E2F8: variants seen among roughly 807,000 people sequenced by gnomAD.
E2F8 encodes transcription factor E2F8.
In E2F8, 35 loss-of-function variants were observed where a neutral mutation model predicts 80.8. That is an observed-to-expected ratio of 0.43 (90% CI 0.33 to 0.57). E2F8 has a LOEUF of 0.57. Ranked by LOEUF, E2F8 falls within the 20% of genes least tolerant of loss-of-function variation. The pLI is 0.04. For synonymous variants in E2F8, 386 were observed against 395.0 expected, an observed-to-expected ratio of 0.98 and a Z score of 0.27; for missense variants, 975 against 1,056.2, an observed-to-expected ratio of 0.92 and a Z score of 1.07.
chr11:19,237,706 G>A, intron 3 of E2F8, 148 bp downstream of exon 3: 1 of 1,141,942 alleles, frequency 8.8e-7, no homozygotes, highest in Non-Finnish European at 1.2e-6. Flanking sequence ...TATTTCTTGG[G>A]GTCCAAACCT....
rs1193962741 is a variant in E2F8, at chr11:19,234,874, T to C, written c.636A>G (p.Lys212=). 6.2e-7 allele frequency: 1 copy of C among 1,614,230 alleles called. No homozygotes were observed. The highest frequency in any genetic ancestry group is 1.7e-5 in the Admixed American group (1 of 60,026). The part of the protein sequence containing the change: ...YAEQIMMIKK[K]EYEQEFDFIK... ...TAAAGTCAAACTCTTGCTCATATTCTTTCTTTTTGATCATCATAATCTGCT... is the reference window on the plus strand; with the variant it reads ...TAAAGTCAAACTCTTGCTCATATTCCTTCTTTTTGATCATCATAATCTGCT... Residue 212 remains lysine (K), a synonymous_variant, in exon 5 of 13, where the codon AAA becomes AAG. Transcript: ENST00000250024.
At chr11:19,234,290 A>G (rs919319928) in intron 6 of E2F8, 70 bp downstream of exon 6, 34 of 1,543,764 alleles carry the variant, frequency 2.2e-5, no homozygotes, top group Non-Finnish European at 2.8e-5. Context: ...CTAATTTGGA[A>G]ATGAGTTTAC....
chr11:19,239,051 T>G (rs931255507), intron 2 of E2F8, among the ~76,000 whole-genome samples: 18 of 152,226 alleles, frequency 1.2e-4, no homozygotes, highest in Non-Finnish European at 1.6e-4. Context: ...ACTCCCATCT[T>G]TATCTATTTT....
intron 8 of E2F8, 125 bp downstream of exon 8, chr11:19,230,506 A>G (rs1375156755): frequency 8.0e-7 from 1 of 1,256,160 alleles, no homozygotes; most frequent in Non-Finnish European, 1.1e-6. Flanking sequence ...TTAGGCTTCA[A>G]GAGGGTTTGG....
chr11:19,233,537 G>A (rs1590127470), intron 6 of E2F8, among the ~76,000 whole-genome samples: 1 of 152,002 alleles, frequency 6.6e-6, no homozygotes, highest in African/African-American at 2.4e-5. Context: ...CCCCAGGCTG[G>A]AGTGCAGTGG....
rs1312298331 is a variant in E2F8, at chr11:19,224,533, T to C, written c.*125A>G. 3 of 839,196 alleles carry C rather than the reference T, an allele frequency of 3.6e-6. No individual in the cohort carries two copies. The African/African-American group carries it at 5.2e-5, about 14-fold the overall frequency. The allele number at this position is 839,196 out of a possible 1,614,324, so 52.0% of individuals were successfully genotyped here. A position where few individuals can be genotyped will look rare whatever the true frequency, so the allele number is the denominator to read the frequency against. On this transcript the variant is annotated 3_prime_UTR_variant, in exon 13 of 13. Transcript: ENST00000250024. Reference sequence around the variant, plus strand: ...TATGTATGAAAACAACTATCTGATTTCACATTGAACAAATCCCCAACGTAT... The same window carrying C: ...TATGTATGAAAACAACTATCTGATTCCACATTGAACAAATCCCCAACGTAT...
chr11:19,235,871 CATG>C (rs1851506515), intron 4 of E2F8, among the ~76,000 whole-genome samples: 1 of 152,104 alleles, frequency 6.6e-6, no homozygotes. Context: ...GTACAAAAAC[CATG>C]ATGTAGTTTT....
Position 19,229,537 on chromosome 11 carries a change from A to T in E2F8, c.1810T>A (p.Ser604Thr). 1 of 1,614,178 alleles carries T rather than the reference A, an allele frequency of 6.2e-7. No individual in the cohort carries two copies. The highest frequency in any genetic ancestry group is 8.5e-7 in the Non-Finnish European group (1 of 1,180,034). Reference sequence around the variant, plus strand: ...TCCTCGAGCATGCTTGCCCTCTTTGAGCCTCTTTCTCCAGCTGGCTCCCTG... The same window carrying T: ...TCCTCGAGCATGCTTGCCCTCTTTGTGCCTCTTTCTCCAGCTGGCTCCCTG... ...RTREPAGERGSKRASMLEDSG... is the reference protein window; with the variant it reads ...RTREPAGERGTKRASMLEDSG... Residue 604 changes from serine (S) to threonine (T), a missense_variant, in exon 10 of 13, where the codon TCA becomes ACA. Ser to Thr is a moderately conservative substitution (Grantham distance 58, BLOSUM62 1). Transcript: ENST00000250024. This position sits in a 1 kb window ranked among gnomAD's most constrained non-coding sequence, Gnocchi z 4.3.
chr11:19,237,981 G>A lies in E2F8; in HGVS notation c.167C>T (p.Pro56Leu), dbSNP rs924165322. 1.9e-6 allele frequency: 3 copies of A among 1,614,144 alleles called. No homozygotes were observed. The highest frequency in any genetic ancestry group is 1.3e-5 in the African/African-American group (1 of 75,028). Reference protein sequence around the residue: ...TKPKEGSQGEPWTPTANLKML... With the variant: ...TKPKEGSQGELWTPTANLKML... ...TTTCAGGTTGGCTGTCGGTGTCCAC[G>A]GCTCTCCCTGAGAGCCTTCCTTGGG... is the stretch of plus-strand genomic sequence containing the variant. Residue 56 changes from proline to leucine, a missense_variant, in exon 3 of 13, where the codon CCG (proline) becomes CTG (leucine). Coordinates refer to ENST00000250024, the MANE Select transcript of E2F8 (RefSeq NM_024680.4).
At chr11:19,233,730 C>T (rs1851438509) in intron 6 of E2F8, among the ~76,000 whole-genome samples, 1 of 151,994 alleles carries the variant, frequency 6.6e-6, no homozygotes, top group African/African-American at 2.4e-5. Context: ...CCTCATGATC[C>T]GCCCTCCTCG....
At chr11:19,230,017 G>A in intron 9 of E2F8, 29 bp from the exon 10 acceptor site, 2 of 1,610,356 alleles carry the variant, frequency 1.2e-6, no homozygotes, top group South Asian at 2.2e-5. Context: ...TACACGACAT[G>A]ATGGATATAC....
chr11:19,241,033 T>C (rs1851649954), upstream of E2F8: 1 of 152,288 alleles, frequency 6.6e-6, no homozygotes, highest in Non-Finnish European at 1.5e-5. This position sits in a 1 kb window ranked among gnomAD's most constrained non-coding sequence, Gnocchi z 4.5. Flanking sequence ...AGCATCATCG[T>C]GGTTTCCAGG....
intron 7 of E2F8, 42 bp from the exon 8 acceptor site, chr11:19,230,876 A>C: frequency 6.3e-7 from 1 of 1,597,882 alleles, no homozygotes; most frequent in Non-Finnish European, 8.6e-7. Flanking sequence ...TGGATGGCTC[A>C]GTTGGCTTTT....
chr11:19,235,235 A>G (rs1329858015), intron 4 of E2F8, among the ~76,000 whole-genome samples, 177 bp from the exon 5 acceptor site: 2 of 152,242 alleles, frequency 1.3e-5, no homozygotes, highest in Non-Finnish European at 2.9e-5. Context: ...TTGCTTTCCA[A>G]GGGCACAAAT....
At chr11:19,225,122 C>A in intron 12 of E2F8, 99 bp downstream of exon 12, 1 of 1,490,176 alleles carries the variant, frequency 6.7e-7, no homozygotes. Context: ...CCATCCTTTC[C>A]CTCTCCAAAG....
At chr11:19,237,801 C>T (rs1434749585) in intron 3 of E2F8, 53 bp downstream of exon 3, 4 of 1,560,202 alleles carry the variant, frequency 2.6e-6, no homozygotes, top group Admixed American at 1.9e-5. Context: ...CTACAACCTC[C>T]CCCCTCCCCC....
At position 19,225,211 on chromosome 11, in the gene E2F8, A is replaced by G; in HGVS notation, c.2421+10T>C. On this transcript the variant is annotated intron_variant, in intron 12 of 12. Coordinates refer to ENST00000250024, the MANE Select transcript of E2F8 (RefSeq NM_024680.4). ...CCAGGAAAAATTAAATTAAGTAGAA[A>G]GCCTCTCACCTGTTGTGCCCCTGTC... is the stretch of plus-strand genomic sequence containing the variant. 1 of 1,606,318 alleles carries G rather than the reference A, an allele frequency of 6.2e-7. No homozygotes were observed. The highest frequency in any genetic ancestry group is 2.0e-4 in the Middle Eastern group (1 of 4,884).
chr11:19,229,351 G>T lies in E2F8; in HGVS notation c.1893+103C>A, dbSNP rs2133560361. ...ATGGGATGCTAAGGAACAGTTCCTTGTCTTCTGAGAGAATGCTCTTCGGTA... is the reference window on the plus strand; with the variant it reads ...ATGGGATGCTAAGGAACAGTTCCTTTTCTTCTGAGAGAATGCTCTTCGGTA... On this transcript the variant is annotated intron_variant, in intron 10 of 12. Transcript: ENST00000250024. The surrounding 1 kb of genome is among the most constrained non-coding windows in gnomAD (Gnocchi z 4.3). The T allele has an allele frequency of 1.4e-6, 2 of 1,457,682 alleles. No individual in the cohort carries two copies. The highest frequency in any genetic ancestry group is 1.8e-6 in the Non-Finnish European group (2 of 1,081,436). 90.3% of individuals were successfully genotyped at this position (1,457,682 alleles called of 1,614,324 possible).
intron 10 of E2F8, among the ~76,000 whole-genome samples, chr11:19,227,856 G>A (rs1033472780): frequency 4.6e-5 from 7 of 152,186 alleles, no homozygotes; most frequent in African/African-American, 1.7e-4. Flanking sequence ...GGGAAGCCAA[G>A]GCAGGCAGAC....
Sources: allele counts gnomAD v4.1 joint callset (sites outside exome capture counted in the v4.1 genomes callset), GRCh38; gene constraint gnomAD v4.1.1; non-coding constraint Gnocchi (gnomAD v3.1); transcripts MANE v1.5; gene names NCBI Gene and HGNC (gene_info 2026-07-23, HGNC 2026-07-21).